DCDC2: variants seen among roughly 807,000 people sequenced by gnomAD.
DCDC2 encodes the protein doublecortin domain-containing protein 2.
Under a neutral mutation model 50.2 loss-of-function variants are expected in DCDC2, and 40 were observed. That is an observed-to-expected ratio of 0.80 (90% CI 0.62 to 1.04). DCDC2 has a LOEUF of 1.04. DCDC2 is among the 50% of genes least tolerant of loss of function. The pLI is 0.00. For missense variants in DCDC2, 570 were observed against 581.9 expected (o/e 0.98, Z 0.21); for synonymous variants, 234 against 210.6 (o/e 1.11, Z -0.96).
In DCDC2 at chr6:24,357,378, G is replaced by A. The variant is rs1172898449; in HGVS notation, c.293+80C>T. 53 of 1,461,042 alleles carry A rather than the reference G, an allele frequency of 3.6e-5. 1 individual carries two copies. The South Asian group carries it at 6.8e-4, about 19-fold the overall frequency. 90.5% of individuals were successfully genotyped at this position (1,461,042 alleles called of 1,614,324 possible). ...CCCCTCAACCACTGAGGTGTGGGGG[G>A]GTAGGGATCTGCATTTCTTCATATC... On this transcript the variant is annotated intron_variant, in intron 1 of 9. Coordinates refer to ENST00000378454, the MANE Select transcript of DCDC2 (RefSeq NM_016356.5).
At chr6:24,355,355 C>A (rs137896820) in intron 1 of DCDC2, among the ~76,000 whole-genome samples, 94 of 152,032 alleles carry the variant, frequency 6.2e-4, no homozygotes, top group Admixed American at 1.0e-3. Flanking sequence ...CAATTTTCAG[C>A]CGTTCAGAGA....
chr6:24,332,067 A>G (rs2127240318), intron 2 of DCDC2, among the ~76,000 whole-genome samples: 1 of 152,318 alleles, frequency 6.6e-6, no homozygotes, highest in East Asian at 1.9e-4. Context: ...ACTGACATCT[A>G]AAGGCATGCG....
At chr6:24,310,058 A>ATTATTAATCAATAAT (rs1759545617) in intron 2 of DCDC2, among the ~76,000 whole-genome samples, 1 of 152,222 alleles carries the variant, frequency 6.6e-6, no homozygotes, top group African/African-American at 2.4e-5. Context: ...AATCAAGTAA[A>ATTATTAATCAATAAT]TTCAGATGTT....
chr6:24,331,284 G>A (rs1759960416), intron 2 of DCDC2, among the ~76,000 whole-genome samples: 1 of 148,830 alleles, frequency 6.7e-6, no homozygotes, highest in African/African-American at 2.5e-5. Context: ...AGTTTTTTAA[G>A]TTGTCTATAT....
intron 7 of DCDC2, among the ~76,000 whole-genome samples, chr6:24,221,506 C>T (rs1007179786): frequency 9.9e-5 from 15 of 152,216 alleles, no homozygotes; most frequent in Non-Finnish European, 2.2e-4. Context: ...AACAGTACCA[C>T]ATGACAGACA....
chr6:24,233,331 G>A (rs535139553), intron 7 of DCDC2, among the ~76,000 whole-genome samples: 13 of 152,202 alleles, frequency 8.5e-5, no homozygotes, highest in South Asian at 6.2e-4. Context: ...ATTATGTGGC[G>A]TGGTTACTTT....
At chr6:24,291,338 T>C (rs796664730) in intron 4 of DCDC2, among the ~76,000 whole-genome samples, 4 of 152,326 alleles carry the variant, frequency 2.6e-5, no homozygotes, top group African/African-American at 9.6e-5. Context: ...CCAGTGAGTC[T>C]GATGATCTGG....
chr6:24,317,305 T>G (rs6926356), intron 2 of DCDC2, among the ~76,000 whole-genome samples: 18,551 of 151,998 alleles, frequency 0.12, 1,455 homozygotes, highest in African/African-American at 0.23. Flanking sequence ...ACCAGAGGAA[T>G]AGACTAGAAA....
upstream of DCDC2, chr6:24,358,324 T>A: frequency 5.7e-6 from 1 of 174,390 alleles, no homozygotes; most frequent in Non-Finnish European, 1.4e-5. Context: ...AAGATAAATG[T>A]GCAAAGCCAG....
chr6:24,259,133 GA>G (rs35299013), intron 7 of DCDC2, among the ~76,000 whole-genome samples: 4 of 150,226 alleles, frequency 2.7e-5, no homozygotes, highest in African/African-American at 4.9e-5. Flanking sequence ...CAAGACATGT[GA>G]AAAAAAAACA....
At chr6:24,257,070 C>T (rs1349108887) in intron 7 of DCDC2, among the ~76,000 whole-genome samples, 2 of 152,192 alleles carry the variant, frequency 1.3e-5, no homozygotes, top group Non-Finnish European at 2.9e-5. Flanking sequence ...ATTACTTCTC[C>T]TTGCATTTAA....
chr6:24,380,450 G>A, the DCDC2 span, among the ~76,000 whole-genome samples: 1 of 152,142 alleles, frequency 6.6e-6, no homozygotes, highest in African/African-American at 2.4e-5. Context: ...AGCAAGTGGC[G>A]AATGAAGAAA....
chr6:24,209,785 G>A (rs1016380676), intron 7 of DCDC2, among the ~76,000 whole-genome samples: 2 of 152,012 alleles, frequency 1.3e-5, no homozygotes, highest in African/African-American at 4.8e-5. Flanking sequence ...TGAGCTCTTG[G>A]GAAAAGTAAT....
intron 2 of DCDC2, among the ~76,000 whole-genome samples, chr6:24,313,079 G>C (rs758973149): frequency 2.6e-5 from 4 of 151,972 alleles, no homozygotes; most frequent in Admixed American, 2.6e-4. Flanking sequence ...TCTCTTTATT[G>C]TTTTCTGTGG....
At chr6:24,313,476 T>C (rs1186898561) in intron 2 of DCDC2, among the ~76,000 whole-genome samples, 1 of 152,020 alleles carries the variant, frequency 6.6e-6, no homozygotes, top group Non-Finnish European at 1.5e-5. Flanking sequence ...TTGCCATTTT[T>C]TGTTTTTGTT....
intron 7 of DCDC2, among the ~76,000 whole-genome samples, chr6:24,212,282 C>G (rs1761889761): frequency 6.6e-6 from 1 of 152,200 alleles, no homozygotes; most frequent in African/African-American, 2.4e-5. Context: ...CTGGAAAGAA[C>G]ATCTGCAGTG....
intron 2 of DCDC2, among the ~76,000 whole-genome samples, chr6:24,312,461 A>AT (rs375284737): frequency 9.7e-4 from 145 of 149,232 alleles, no homozygotes; most frequent in African/African-American, 2.8e-3. Context: ...ATATAATAAT[A>AT]TTTTTTTTTA....
At chr6:24,240,137 C>A (rs780430470) in intron 7 of DCDC2, among the ~76,000 whole-genome samples, 1 of 152,136 alleles carries the variant, frequency 6.6e-6, no homozygotes, top group African/African-American at 2.4e-5. Context: ...ATTTTGAACA[C>A]TGAGATTAAC....
intron 5 of DCDC2, among the ~76,000 whole-genome samples, 166 bp from the exon 6 acceptor site, chr6:24,289,072 T>C (rs1000671103): frequency 6.6e-6 from 1 of 152,228 alleles, no homozygotes; most frequent in African/African-American, 2.4e-5. Flanking sequence ...ACAAAGATCA[T>C]AACATTTCCA....
Sources: allele counts gnomAD v4.1 joint callset (sites outside exome capture counted in the v4.1 genomes callset), GRCh38; gene constraint gnomAD v4.1.1; transcripts MANE v1.5; gene names NCBI Gene and HGNC (gene_info 2026-07-23, HGNC 2026-07-21).